The following PRRG1 variants were observed in gnomAD, a reference collection of about 807,000 sequenced individuals.
PRRG1 encodes transmembrane gamma-carboxyglutamic acid protein 1.
PRRG1 carries 5 observed loss-of-function variants against 11.8 expected under a neutral mutation model. The ratio of observed to expected loss-of-function variants is 0.42; its 90% CI spans 0.22 to 0.89. The LOEUF (loss-of-function observed/expected upper bound fraction) is 0.89, where lower values mean the gene tolerates loss of function less well. Ranked by LOEUF, PRRG1 falls within the 40% of genes least tolerant of loss-of-function variation. The pLI is 0.28. For missense variants in PRRG1, 155 were observed against 166.1 expected, an observed-to-expected ratio of 0.93 and a Z score of 0.37; for synonymous variants, 66 against 60.4, an observed-to-expected ratio of 1.09 and a Z score of -0.43.
intron 3 of PRRG1, 38 bp from the exon 4 acceptor site, chrX:37,453,098 C>A (rs896226866): frequency 8.9e-7 from 1 of 1,123,348 alleles, no homozygotes; most frequent in Non-Finnish European, 1.2e-6. Context: ...ATCTTTTATT[C>A]ATACTGATTT....
intron 1 of PRRG1, among the ~76,000 whole-genome samples, chrX:37,377,409 T>A (rs1396779077): frequency 8.9e-6 from 1 of 112,060 alleles, no homozygotes; most frequent in African/African-American, 3.2e-5. Flanking sequence ...ATTAGGAGGC[T>A]TATAGAGAGT....
At chrX:37,419,104 A>G (rs1932584970) in intron 2 of PRRG1, among the ~76,000 whole-genome samples, 1 of 112,499 alleles carries the variant, frequency 8.9e-6, no homozygotes, top group Admixed American at 9.4e-5. Flanking sequence ...TGTCATTCAT[A>G]TCTGTAGTGA....
At chrX:37,443,766 A>G (rs1250583825) in intron 3 of PRRG1, among the ~76,000 whole-genome samples, 3 of 112,072 alleles carry the variant, frequency 2.7e-5, no homozygotes, top group African/African-American at 3.2e-5. Flanking sequence ...TAAGAAAAAG[A>G]TTCCTTAGAG....
intron 2 of PRRG1, among the ~76,000 whole-genome samples, chrX:37,412,328 G>A (rs1932370629): frequency 9.0e-6 from 1 of 111,384 alleles, no homozygotes; most frequent in African/African-American, 3.3e-5. Context: ...TTAATTCACT[G>A]CTGAACTATT....
intron 3 of PRRG1, among the ~76,000 whole-genome samples, chrX:37,435,134 G>A (rs1439994125): frequency 3.6e-5 from 4 of 110,803 alleles, no homozygotes; most frequent in African/African-American, 1.3e-4. Flanking sequence ...AGATGAGCTG[G>A]AGAACATTGT....
intron 3 of PRRG1, among the ~76,000 whole-genome samples, chrX:37,438,428 T>C (rs1477923729): frequency 1.9e-5 from 2 of 105,476 alleles, no homozygotes; most frequent in Admixed American, 2.0e-4. Context: ...CAGAATTTTT[T>C]CCTTTTTTTT....
chrX:37,430,592 C>T (rs1932816967), intron 3 of PRRG1, among the ~76,000 whole-genome samples: 3 of 111,514 alleles, frequency 2.7e-5, no homozygotes, highest in Non-Finnish European at 5.7e-5. Flanking sequence ...AGAGGGAAAA[C>T]TTATATTCAT....
intron 1 of PRRG1, among the ~76,000 whole-genome samples, chrX:37,366,702 C>G (rs946394926): frequency 8.1e-5 from 9 of 111,692 alleles, no homozygotes; most frequent in African/African-American, 2.9e-4. Context: ...AAGTGGGACT[C>G]TTACTGACCA....
chrX:37,423,162 CA>C (rs201848210), intron 2 of PRRG1, among the ~76,000 whole-genome samples: 1 of 109,768 alleles, frequency 9.1e-6, no homozygotes, highest in African/African-American at 3.3e-5. Context: ...TAATTTTTAA[CA>C]AAAAAGTTAA....
Position 37,403,655 on chromosome X carries a change from A to C in PRRG1, c.-41-2554A>C, listed in dbSNP as rs1332186672. On this transcript the variant is annotated intron_variant, in intron 1 of 3. Coordinates refer to ENST00000378628, the MANE Select transcript of PRRG1 (RefSeq NM_001142395.2). Reference sequence around the variant, plus strand: ...AATAATAAAATAAAATAATAAAATAAAATAAAATAAAATAAAATAAAATGA... The same window carrying C: ...AATAATAAAATAAAATAATAAAATACAATAAAATAAAATAAAATAAAATGA... The C allele has an allele frequency of 1.9e-5, 8 of 413,339 alleles. No individual in the cohort carries two copies. The Middle Eastern group carries it at 7.8e-3, about 406-fold the overall frequency. The allele number at this position is 413,339 out of a possible 1,213,427, so 34.1% of individuals were successfully genotyped here. A position where few individuals can be genotyped will look rare whatever the true frequency, so the allele number is the denominator to read the frequency against.
chrX:37,445,247 GC>G (rs1247473409), intron 3 of PRRG1, among the ~76,000 whole-genome samples: 1 of 112,163 alleles, frequency 8.9e-6, no homozygotes, highest in Non-Finnish European at 1.9e-5. Context: ...AAATACATAA[GC>G]TTCTGAGGCA....
At chrX:37,414,879 A>G (rs1932445990) in intron 2 of PRRG1, among the ~76,000 whole-genome samples, 1 of 112,361 alleles carries the variant, frequency 8.9e-6, no homozygotes, top group East Asian at 2.8e-4. Context: ...GTGACAAATC[A>G]TTCACTCTCT....
intron 1 of PRRG1, among the ~76,000 whole-genome samples, chrX:37,374,769 A>G (rs1449534675): frequency 2.7e-5 from 3 of 110,328 alleles, no homozygotes; most frequent in African/African-American, 3.3e-5. Context: ...GAGGCTTCCT[A>G]TTTCTCTACT....
At chrX:37,357,036 AC>A (rs1930256878) in intron 1 of PRRG1, among the ~76,000 whole-genome samples, 1 of 111,796 alleles carries the variant, frequency 8.9e-6, no homozygotes, top group Admixed American at 9.4e-5. Flanking sequence ...TAGTTTCACT[AC>A]CCCAAAAATT....
intron 1 of PRRG1, among the ~76,000 whole-genome samples, chrX:37,398,261 C>T (rs374930588): frequency 5.4e-5 from 6 of 110,831 alleles, no homozygotes; most frequent in Non-Finnish European, 1.1e-4. Flanking sequence ...CTCACACGGC[C>T]GGGTACTCCT....
At chrX:37,438,902 A>G (rs1932926437) in intron 3 of PRRG1, among the ~76,000 whole-genome samples, 1 of 111,694 alleles carries the variant, frequency 9.0e-6, no homozygotes, top group Non-Finnish European at 1.9e-5. Flanking sequence ...GTATCTGCTG[A>G]TTTCCTTAAT....
intron 3 of PRRG1, among the ~76,000 whole-genome samples, chrX:37,450,783 A>C (rs1188681066): frequency 1.8e-5 from 2 of 112,170 alleles, no homozygotes; most frequent in Non-Finnish European, 3.8e-5. Context: ...ACTATAGATC[A>C]GATACTTGAT....
At chrX:37,387,373 C>T (rs1931360462) in intron 1 of PRRG1, among the ~76,000 whole-genome samples, 1 of 111,307 alleles carries the variant, frequency 9.0e-6, no homozygotes, top group African/African-American at 3.3e-5. Context: ...AAGAAATACC[C>T]AAGACTGGGT....
At chrX:37,413,395 A>G (rs1932404629) in intron 2 of PRRG1, among the ~76,000 whole-genome samples, 1 of 111,067 alleles carries the variant, frequency 9.0e-6, no homozygotes, top group South Asian at 3.9e-4. Context: ...TTGAAGAGAA[A>G]GAAGCCTTCT....
Sources: gnomAD v4.1 joint callset for allele counts (sites outside exome capture counted in the v4.1 genomes callset) on GRCh38, gnomAD v4.1.1 for gene constraint, MANE v1.5 for transcripts, NCBI Gene and HGNC (gene_info 2026-07-23, HGNC 2026-07-21) for gene names.